The following FTCDNL1 variants were observed in gnomAD, a reference collection of about 807,000 sequenced individuals.
The protein encoded by FTCDNL1 is formiminotransferase N-terminal subdomain-containing protein.
Under a neutral mutation model 5.9 loss-of-function variants are expected in FTCDNL1, and 11 were observed. The ratio of observed to expected loss-of-function variants is 1.87; its 90% CI spans 1.18 to 3.10. The LOEUF is 3.10. Ranked by LOEUF, FTCDNL1 falls within the 30% of genes most tolerant of loss-of-function variation. The pLI, the probability that FTCDNL1 is intolerant of heterozygous loss-of-function variation, is 0.00. For missense variants in FTCDNL1, 115 were observed against 65.5 expected, an observed-to-expected ratio of 1.76 and a Z score of -2.61; for synonymous variants, 58 against 24.8, an observed-to-expected ratio of 2.34 and a Z score of -3.99.
chr2:199,767,862 A>G (rs558971461), intron 3 of FTCDNL1, among the ~76,000 whole-genome samples: 15 of 152,370 alleles, frequency 9.8e-5, no homozygotes, highest in African/African-American at 3.1e-4. Flanking sequence ...AGTATTTTGC[A>G]ATAGCAACAG....
chr2:199,717,509 A>ATTTTTTTTTTTTTTTTTTTTTTTTTTT, the FTCDNL1 span, among the ~76,000 whole-genome samples: 1 of 57,688 alleles, frequency 1.7e-5, no homozygotes, highest in African/African-American at 7.2e-5. Context: ...CAAGGCAGAG[A>ATTTTTTTTTTTTTTTTTTTTTTTTTTT]TTTTTTTTTT....
At chr2:199,668,969 C>CT in the FTCDNL1 span, among the ~76,000 whole-genome samples, 4 of 151,446 alleles carry the variant, frequency 2.6e-5, no homozygotes, top group South Asian at 2.1e-4. Flanking sequence ...TCAAGCTTTT[C>CT]TTTTTTTTTC....
intron 3 of FTCDNL1, among the ~76,000 whole-genome samples, chr2:199,827,933 A>G (rs1702132736): frequency 6.6e-6 from 1 of 152,196 alleles, no homozygotes; most frequent in African/African-American, 2.4e-5. Context: ...GAAGAAATCA[A>G]GCTTGATTTT....
At chr2:199,843,771 C>G (rs559241086) in intron 3 of FTCDNL1, among the ~76,000 whole-genome samples, 1 of 152,090 alleles carries the variant, frequency 6.6e-6, no homozygotes. Flanking sequence ...TGTAATTAAC[C>G]GTGGTACAGT....
At chr2:199,684,739 G>A in the FTCDNL1 span, among the ~76,000 whole-genome samples, 7 of 152,254 alleles carry the variant, frequency 4.6e-5, no homozygotes, top group South Asian at 8.3e-4. Flanking sequence ...CGGAAGGGCC[G>A]TTCTCATAGT....
At chr2:199,710,071 C>CA in the FTCDNL1 span, among the ~76,000 whole-genome samples, 9 of 152,044 alleles carry the variant, frequency 5.9e-5, no homozygotes, top group South Asian at 4.1e-4. Context: ...TACAGAGTGG[C>CA]AAAAAAATTG....
In FTCDNL1 at chr2:199,787,285, C is replaced by T. The variant is rs142318613; in HGVS notation, c.212-26450G>A. Among the ~76,000 whole-genome samples the T allele has an allele frequency of 4.6e-5, 7 of 152,056 alleles. No homozygotes were observed. The East Asian group carries it at 9.7e-4, about 21-fold the overall frequency. Reference sequence around the variant, plus strand: ...GCAACCTTCACCTTCCAGGTTCAAGCGATTCTCCTGACTCAGCTTCCTGAG... The same window carrying T: ...GCAACCTTCACCTTCCAGGTTCAAGTGATTCTCCTGACTCAGCTTCCTGAG... On this transcript the variant is annotated intron_variant, in intron 3 of 3. Coordinates refer to the FTCDNL1 transcript ENST00000416668.
At chr2:199,684,196 G>A in the FTCDNL1 span, among the ~76,000 whole-genome samples, 39 of 152,328 alleles carry the variant, frequency 2.6e-4, 1 homozygote, top group Admixed American at 5.2e-4. Context: ...CACTATAGCA[G>A]CAATTACTTA....
intron 3 of FTCDNL1, among the ~76,000 whole-genome samples, chr2:199,762,047 G>A (rs62178284): frequency 0.043 from 6,528 of 151,960 alleles, 157 homozygotes; most frequent in Non-Finnish European, 0.057. Context: ...AACGATAGCC[G>A]ATGAGAAAAA....
the FTCDNL1 span, among the ~76,000 whole-genome samples, chr2:199,733,370 G>C: frequency 1.3e-5 from 2 of 152,342 alleles, no homozygotes; most frequent in South Asian, 4.1e-4. Flanking sequence ...GCTAGTAATG[G>C]TGCAAGCAAG....
At chr2:199,700,749 T>C in the FTCDNL1 span, among the ~76,000 whole-genome samples, 2 of 152,192 alleles carry the variant, frequency 1.3e-5, no homozygotes, top group African/African-American at 4.8e-5. Context: ...CCTGCAACTA[T>C]CTGATCTTTG....
the FTCDNL1 span, among the ~76,000 whole-genome samples, chr2:199,749,849 A>G: frequency 6.6e-6 from 1 of 152,136 alleles, no homozygotes; most frequent in South Asian, 2.1e-4. Flanking sequence ...CACCAGAAAC[A>G]GCACATGATA....
At chr2:199,668,787 C>T in the FTCDNL1 span, among the ~76,000 whole-genome samples, 1 of 151,964 alleles carries the variant, frequency 6.6e-6, no homozygotes, top group Non-Finnish European at 1.5e-5. Context: ...ACAAAAATTG[C>T]AAAGAGTAGA....
chr2:199,842,866 A>G (rs1397411321), intron 3 of FTCDNL1, among the ~76,000 whole-genome samples: 1 of 150,860 alleles, frequency 6.6e-6, no homozygotes, highest in East Asian at 1.9e-4. Flanking sequence ...ACATCCTTTC[A>G]CTGTTCTAAG....
chr2:199,734,514 CTT>C, the FTCDNL1 span, among the ~76,000 whole-genome samples: 1 of 152,054 alleles, frequency 6.6e-6, no homozygotes, highest in Admixed American at 6.6e-5. Context: ...TTTTCAGAAA[CTT>C]TTCCTTTAGA....
At chr2:199,682,171 A>G in the FTCDNL1 span, among the ~76,000 whole-genome samples, 1 of 152,184 alleles carries the variant, frequency 6.6e-6, no homozygotes, top group South Asian at 2.1e-4. Flanking sequence ...AGAGCAAAGC[A>G]GATTGCCTCC....
chr2:199,719,133 G>A, the FTCDNL1 span, among the ~76,000 whole-genome samples: 1 of 152,050 alleles, frequency 6.6e-6, no homozygotes, highest in East Asian at 1.9e-4. Context: ...GTGCAGAAGA[G>A]TTTTTCCTAG....
intron 2 of FTCDNL1, among the ~76,000 whole-genome samples, chr2:199,847,281 TA>T (rs138355801): frequency 0.018 from 2,620 of 148,244 alleles, 32 homozygotes; most frequent in Non-Finnish European, 0.028. Context: ...AAAATATTTG[TA>T]AAAAAAAAAG....
At chr2:199,786,168 G>A (rs549095551) in intron 3 of FTCDNL1, among the ~76,000 whole-genome samples, 4 of 151,916 alleles carry the variant, frequency 2.6e-5, no homozygotes, top group African/African-American at 7.2e-5. Context: ...GAGGACCCCT[G>A]TCCTAAACAA....
Sources: allele counts gnomAD v4.1 joint callset (sites outside exome capture counted in the v4.1 genomes callset), GRCh38; gene constraint gnomAD v4.1.1; transcripts MANE v1.5; gene names NCBI Gene and HGNC (gene_info 2026-07-23, HGNC 2026-07-21).